Variants in ATP10A observed in about 807,000 individuals in gnomAD.
The protein encoded by ATP10A is phospholipid-transporting ATPase VA.
ATP10A carries 111 observed loss-of-function variants against 147.8 expected under a neutral mutation model. The observed-to-expected ratio is 0.75, with a 90% CI of 0.64 to 0.88. The LOEUF (loss-of-function observed/expected upper bound fraction) is 0.88, where lower values mean the gene tolerates loss of function less well. Ranked by LOEUF, ATP10A falls within the 40% of genes least tolerant of loss-of-function variation. The pLI is 0.00. For synonymous variants in ATP10A, 875 were observed against 841.6 expected, an observed-to-expected ratio of 1.04 and a Z score of -0.69; for missense variants, 1,927 against 1,959.0, an observed-to-expected ratio of 0.98 and a Z score of 0.31.
At chr15:25,841,395 A>T (rs2140891003) in intron 1 of ATP10A, 1 of 151,414 alleles carries the variant, frequency 6.6e-6, no homozygotes. Context: ...GTTGGGACTT[A>T]TTTCTGGGTT....
Position 25,788,658 on chromosome 15 carries a change from G to A in ATP10A, c.450-7435C>T, listed in dbSNP as rs77978284. On this transcript the variant is annotated intron_variant, in intron 1 of 20. Coordinates refer to ENST00000555815, the MANE Select transcript of ATP10A (RefSeq NM_024490.4). ...ACAAATGAGCAGCGTGTTATATCTT[G>A]TCTTTGATTTGTGGTTTGGAATTAA... Among the ~76,000 whole-genome samples, 958 of 152,242 alleles carry A rather than the reference G, an allele frequency of 6.3e-3. 16 individuals are homozygous for A. Among genetic ancestry groups the A allele is most frequent in the East Asian group, 0.03 (153 of 5,184 alleles).
intron 1 of ATP10A, among the ~76,000 whole-genome samples, chr15:25,794,857 G>T (rs544268108): frequency 4.6e-5 from 7 of 152,300 alleles, no homozygotes; most frequent in African/African-American, 1.7e-4. Context: ...CAGGGTCATT[G>T]TCACCAGTCA....
intron 2 of ATP10A, among the ~76,000 whole-genome samples, chr15:25,759,714 G>A (rs1250309938): frequency 6.6e-6 from 1 of 151,840 alleles, no homozygotes; most frequent in Non-Finnish European, 1.5e-5. Flanking sequence ...GGAGGCTAAG[G>A]TGGAGAATCG....
rs770556543 is a variant in ATP10A at position 25,681,071 on chromosome 15, A to G, written c.3496T>C (p.Tyr1166His). The change falls in exon 18 of 21, where the codon TAC (tyrosine) becomes CAC (histidine). Residue 1166 changes from tyrosine to histidine, a missense_variant. Transcript: ENST00000555815. ...TTAAACCAGAACGTTCGTGGCCGGTATTCCTGGGACACAAAAACAATCAGT... is the reference window on the plus strand; with the variant it reads ...TTAAACCAGAACGTTCGTGGCCGGTGTTCCTGGGACACAAAAACAATCAGT... ...LYKSGQNMEE[Y>H]RPRTFWFNMA... 6.2e-7 allele frequency: 1 copy of G among 1,613,374 alleles called. No individual in the cohort carries two copies. Among genetic ancestry groups the G allele is most frequent in the Non-Finnish European group, 8.5e-7 (1 of 1,179,346 alleles).
chr15:25,718,959 G>T (rs1216706436), intron 7 of ATP10A, among the ~76,000 whole-genome samples: 1 of 152,184 alleles, frequency 6.6e-6, no homozygotes, highest in Non-Finnish European at 1.5e-5. Flanking sequence ...CATCCAAGAT[G>T]ATCTTGACTG....
At chr15:25,732,900 T>C (rs1211206663) in intron 3 of ATP10A, among the ~76,000 whole-genome samples, 1 of 152,094 alleles carries the variant, frequency 6.6e-6, no homozygotes, top group Non-Finnish European at 1.5e-5. Context: ...ATTCCTTCAC[T>C]GGACTCTCAT....
Position 25,697,235 on chromosome 15 carries a change from G to T in ATP10A, c.2761-2089C>A, listed in dbSNP as rs8023382. Among the ~76,000 whole-genome samples, 946 of 152,214 alleles carry T rather than the reference G, an allele frequency of 6.2e-3. 6 individuals are homozygous for T. The highest frequency in any genetic ancestry group is 0.021 in the African/African-American group (879 of 41,514). ...TCTGGAGGGCAAAAATGCAAGACTA[G>T]GTCTTATAAACACATCTGCCTTTGA... On this transcript the variant is annotated intron_variant, in intron 13 of 20. Transcript: ENST00000555815.
At chr15:25,833,908 C>T (rs545242904) in intron 1 of ATP10A, among the ~76,000 whole-genome samples, 1 of 151,772 alleles carries the variant, frequency 6.6e-6, no homozygotes, top group South Asian at 2.1e-4. Flanking sequence ...GGAGGCGGAG[C>T]TTGCAGTGAG....
In ATP10A at chr15:25,680,859, A is replaced by G. The variant is rs1899367183; in HGVS notation, c.3629T>C (p.Ile1210Thr). The change falls in exon 19 of 21, where the codon ATC (isoleucine) becomes ACC (threonine). Residue 1210 changes from isoleucine to threonine, a missense_variant. Transcript: ENST00000555815. ...LFTWGTPIVT[I>T]ALLTFLLHLG... ...GTGGAGCAGGAAAGTGAGCAGCGCG[A>G]TTGTCACAATAGGGGTCCCCCAGGT... The G allele has an allele frequency of 6.2e-7, 1 of 1,614,036 alleles. No individual in the cohort carries two copies. The highest frequency in any genetic ancestry group is 1.3e-5 in the African/African-American group (1 of 74,996).
chr15:25,741,909 G>A (rs552410468), intron 2 of ATP10A, among the ~76,000 whole-genome samples: 2 of 152,136 alleles, frequency 1.3e-5, no homozygotes, highest in Admixed American at 6.5e-5. Context: ...AACACCGAAC[G>A]TACAAGGAAA....
At chr15:25,747,287 C>CA (rs34660034) in intron 2 of ATP10A, among the ~76,000 whole-genome samples, 43 of 113,216 alleles carry the variant, frequency 3.8e-4, no homozygotes, top group Middle Eastern at 4.8e-3. Context: ...AACTCCATCT[C>CA]AAAAAAAAAA....
At chr15:25,783,466 G>A (rs1040334847) in intron 1 of ATP10A, among the ~76,000 whole-genome samples, 3 of 101,248 alleles carry the variant, frequency 3.0e-5, no homozygotes, top group African/African-American at 1.0e-4. Context: ...TCCCCTGTGT[G>A]GATTTGAGGG....
rs1424326210 is a variant in ATP10A, at chr15:25,679,401, T to G, written c.4440A>C (p.Ser1480=). ...GLPVQPHSGR[S]GLQGPDHRLL... is the part of the protein sequence containing the mutation. ...GTCTGTGGTCTGGCCCTTGAAGTCC[T>G]GATCGGCCTGAGTGGGGCTGGACAG... The change falls in exon 21 of 21, where the codon TCA becomes TCC. Residue 1480 remains serine, a synonymous_variant. Coordinates refer to ENST00000555815, the MANE Select transcript of ATP10A (RefSeq NM_024490.4). 1 of 1,611,928 alleles carries G rather than the reference T, an allele frequency of 6.2e-7. No individual in the cohort carries two copies. Among genetic ancestry groups the G allele is most frequent in the East Asian group, 2.2e-5 (1 of 44,808 alleles).
Position 25,683,473 on chromosome 15 carries a change from A to G in ATP10A, c.3305T>C (p.Leu1102Pro). 1 of 1,613,188 alleles carries G rather than the reference A, an allele frequency of 6.2e-7. No homozygotes were observed. Among genetic ancestry groups the G allele is most frequent in the Non-Finnish European group, 8.5e-7 (1 of 1,179,546 alleles). ...FFYKNTMFVG[L>P]LFWFQFFCGF... The stretch of plus-strand genomic sequence containing the variant: ...ACAGAAAAACTGGAACCAAAACAGG[A>G]GGCCCACGAACATCTGAAATCAAGA... The change falls in exon 17 of 21, where the codon CTC becomes CCC. Residue 1102 changes from leucine to proline, a missense_variant. Physicochemically the swap from Leu to Pro is moderately conservative, Grantham distance 98. Transcript: ENST00000555815.
At position 25,679,569 on chromosome 15, in the gene ATP10A, G is replaced by GGTCAC; in HGVS notation, c.4267_4271dup (p.Pro1425Ter). ...GCAGGCTGAAGAGGGAAGACAGGGG[G>GGTCAC]GTCACCCTGCCGGTGCTGGCAGCTC... On this transcript the variant is annotated stop_gained and frameshift_variant, in exon 21 of 21. Coordinates refer to ENST00000555815, the MANE Select transcript of ATP10A (RefSeq NM_024490.4). LOFTEE classifies it high-confidence loss of function. 1 of 1,611,058 alleles carries GGTCAC rather than the reference G, an allele frequency of 6.2e-7. No homozygotes were observed. The highest frequency in any genetic ancestry group is 1.1e-5 in the South Asian group (1 of 91,032).
chr15:25,780,892 G>T, intron 2 of ATP10A, 127 bp downstream of exon 2: 1 of 1,038,572 alleles, frequency 9.6e-7, no homozygotes, highest in Non-Finnish European at 1.4e-6. Flanking sequence ...CCTCAGACTC[G>T]TCTACTAGGA....
chr15:25,695,303 C>T (rs565182170), intron 13 of ATP10A, among the ~76,000 whole-genome samples, 157 bp from the exon 14 acceptor site: 9 of 152,242 alleles, frequency 5.9e-5, no homozygotes, highest in South Asian at 2.1e-4. Flanking sequence ...GAAGTTCAGC[C>T]GGAGAGGATG....
At chr15:25,835,121 T>C (rs1313747427) in intron 1 of ATP10A, among the ~76,000 whole-genome samples, 1 of 151,996 alleles carries the variant, frequency 6.6e-6, no homozygotes, top group Non-Finnish European at 1.5e-5. Context: ...AAACAAAAAT[T>C]AGCTGGGCAT....
At chr15:25,850,299 C>G (rs1402843799) in intron 1 of ATP10A, among the ~76,000 whole-genome samples, 1 of 152,216 alleles carries the variant, frequency 6.6e-6, no homozygotes, top group Non-Finnish European at 1.5e-5. Context: ...CGTCTTTCCT[C>G]TCACAATGCT....
Sources: gnomAD v4.1 joint callset for allele counts (sites outside exome capture counted in the v4.1 genomes callset) on GRCh38, gnomAD v4.1.1 for gene constraint, MANE v1.5 for transcripts, NCBI Gene and HGNC (gene_info 2026-07-23, HGNC 2026-07-21) for gene names.